Variants in ITGA9 observed in about 807,000 individuals in gnomAD.
ITGA9 encodes integrin subunit alpha 9, also known as integrin alpha-9.
Under a neutral mutation model 127.8 loss-of-function variants are expected in ITGA9, and 56 were observed. The observed-to-expected ratio is 0.44, with a 90% CI of 0.35 to 0.55. ITGA9 has a LOEUF of 0.55. ITGA9 is among the 20% of genes least tolerant of loss of function. The pLI, the probability that ITGA9 is intolerant of heterozygous loss-of-function variation, is 0.00. For synonymous variants in ITGA9, 508 were observed against 514.5 expected (o/e 0.99, Z 0.17); for missense variants, 1,196 against 1,347.1 (o/e 0.89, Z 1.76).
chr3:37,473,096 G>C (rs1698450661), intron 2 of ITGA9, among the ~76,000 whole-genome samples: 1 of 129,170 alleles, frequency 7.7e-6, no homozygotes, highest in African/African-American at 3.1e-5. Flanking sequence ...CTGAGATCGT[G>C]CCACTGCACT....
At chr3:37,816,971 T>C (rs767186207) in intron 27 of ITGA9, among the ~76,000 whole-genome samples, 1 of 152,248 alleles carries the variant, frequency 6.6e-6, no homozygotes, top group Non-Finnish European at 1.5e-5. Flanking sequence ...CTGCTGGCTC[T>C]CTTGACAGTT....
chr3:37,701,987 G>A (rs1180820283), intron 18 of ITGA9, among the ~76,000 whole-genome samples: 1 of 152,148 alleles, frequency 6.6e-6, no homozygotes, highest in Admixed American at 6.5e-5. Flanking sequence ...AGAGTCTCAG[G>A]AACAGATGTA....
At chr3:37,780,540 A>G (rs866001840) in intron 25 of ITGA9, among the ~76,000 whole-genome samples, 16 of 151,912 alleles carry the variant, frequency 1.1e-4, no homozygotes, top group South Asian at 4.2e-4. Flanking sequence ...GTGTGTATAT[A>G]TATATATATA....
chr3:37,548,759 T>C (rs930543310), intron 15 of ITGA9, among the ~76,000 whole-genome samples: 66 of 152,160 alleles, frequency 4.3e-4, no homozygotes, highest in African/African-American at 1.6e-3. Context: ...AAGGTGACCT[T>C]GGACATATGT....
chr3:37,748,433 A>T (rs1696534788), intron 22 of ITGA9: 1 of 590,002 alleles, frequency 1.7e-6, no homozygotes, highest in African/African-American at 1.8e-5. Context: ...TTCCTGAAAC[A>T]CGTGAAGGAA....
At chr3:37,690,029 A>G (rs2125666700) in intron 18 of ITGA9, among the ~76,000 whole-genome samples, 1 of 152,382 alleles carries the variant, frequency 6.6e-6, no homozygotes, top group East Asian at 1.9e-4. Context: ...TGAAGCACAG[A>G]TATGACAAGG....
intron 18 of ITGA9, among the ~76,000 whole-genome samples, chr3:37,691,000 CT>C (rs1700826714): frequency 6.6e-6 from 1 of 152,156 alleles, no homozygotes; most frequent in Non-Finnish European, 1.5e-5. Flanking sequence ...TTTTATACTC[CT>C]TTCCCCAAGT....
chr3:37,460,957 T>C (rs1211278350), intron 1 of ITGA9, among the ~76,000 whole-genome samples: 1 of 152,094 alleles, frequency 6.6e-6, no homozygotes, highest in Admixed American at 6.6e-5. Context: ...GCTGATCTGT[T>C]GGTGTGTTAA....
intron 14 of ITGA9, among the ~76,000 whole-genome samples, chr3:37,540,494 C>CA (rs1699254953): frequency 1.3e-5 from 2 of 152,028 alleles, no homozygotes; most frequent in Admixed American, 6.5e-5. Context: ...TCCATGCATT[C>CA]AAAAAAATGG....
At chr3:37,466,048 A>AC (rs1698366582) in intron 1 of ITGA9, among the ~76,000 whole-genome samples, 1 of 151,574 alleles carries the variant, frequency 6.6e-6, no homozygotes, top group Non-Finnish European at 1.5e-5. Flanking sequence ...TAATATTAGT[A>AC]CCTCCCGTAG....
At chr3:37,777,761 G>A (rs1696925600) in intron 24 of ITGA9, among the ~76,000 whole-genome samples, 1 of 152,178 alleles carries the variant, frequency 6.6e-6, no homozygotes, top group Non-Finnish European at 1.5e-5. Context: ...AAAGTAAAAT[G>A]TTTCTTCCAC....
At chr3:37,609,808 G>A (rs1700000466) in intron 15 of ITGA9, among the ~76,000 whole-genome samples, 2 of 152,176 alleles carry the variant, frequency 1.3e-5, no homozygotes, top group African/African-American at 2.4e-5. Context: ...TGTCACCTTG[G>A]CAGCATGGCC....
At chr3:37,533,218 T>C (rs1206043678) in intron 13 of ITGA9, 96 bp from the exon 14 acceptor site, 7 of 1,107,704 alleles carry the variant, frequency 6.3e-6, no homozygotes, top group African/African-American at 1.5e-5. Context: ...AATGCTGGGT[T>C]GAAGGCCTAG....
intron 27 of ITGA9, among the ~76,000 whole-genome samples, chr3:37,813,519 GT>G (rs1274492563): frequency 6.6e-6 from 1 of 152,186 alleles, no homozygotes; most frequent in African/African-American, 2.4e-5. Flanking sequence ...ATTAGAAAAT[GT>G]TAGCTAGGAA....
intron 16 of ITGA9, among the ~76,000 whole-genome samples, chr3:37,639,984 G>A (rs780845160): frequency 6.6e-6 from 1 of 152,112 alleles, no homozygotes; most frequent in Admixed American, 6.5e-5. Context: ...TTCAATCCCT[G>A]TACACAGAAT....
chr3:37,735,169 C>T (rs1696344712), intron 19 of ITGA9, among the ~76,000 whole-genome samples: 1 of 152,236 alleles, frequency 6.6e-6, no homozygotes, highest in East Asian at 1.9e-4. Flanking sequence ...GCCTCCATCC[C>T]TGATTTTGGC....
At chr3:37,530,185 C>T (rs1323740167) in intron 13 of ITGA9, among the ~76,000 whole-genome samples, 4 of 152,168 alleles carry the variant, frequency 2.6e-5, no homozygotes, top group East Asian at 1.9e-4. Context: ...CAGGGGCAGC[C>T]GTTGATAAAG....
chr3:37,501,746 G>T (rs547775577), intron 5 of ITGA9, among the ~76,000 whole-genome samples: 2 of 152,198 alleles, frequency 1.3e-5, no homozygotes, highest in Non-Finnish European at 2.9e-5. Flanking sequence ...CTGCGAAAGG[G>T]TTACACAAGC....
intron 15 of ITGA9, among the ~76,000 whole-genome samples, chr3:37,576,848 C>G: frequency 6.6e-6 from 1 of 152,256 alleles, no homozygotes; most frequent in East Asian, 1.9e-4. Flanking sequence ...ATCCACCTAC[C>G]TCGGCCTCCC....
Sources: allele counts gnomAD v4.1 joint callset (sites outside exome capture counted in the v4.1 genomes callset), GRCh38; gene constraint gnomAD v4.1.1; transcripts MANE v1.5; gene names NCBI Gene and HGNC (gene_info 2026-07-23, HGNC 2026-07-21).